Variants in IQCH observed in about 807,000 individuals in gnomAD.
IQCH encodes IQ motif containing H.
A neutral mutation model predicts 117.0 loss-of-function variants in IQCH; 98 were observed. That is an observed-to-expected ratio of 0.84 (90% CI 0.71 to 0.99). The LOEUF (loss-of-function observed/expected upper bound fraction) is 0.99, where lower values mean the gene tolerates loss of function less well. IQCH is among the 50% of genes least tolerant of loss of function. The pLI, the probability that IQCH is intolerant of heterozygous loss-of-function variation, is 0.00. For synonymous variants in IQCH, 412 were observed against 448.2 expected (o/e 0.92, Z 1.02); for missense variants, 1,102 against 1,243.8 (o/e 0.89, Z 1.72).
intron 4 of IQCH, among the ~76,000 whole-genome samples, chr15:67,317,644 T>C (rs954278593): frequency 2.6e-5 from 4 of 152,224 alleles, no homozygotes; most frequent in Non-Finnish European, 5.9e-5. Flanking sequence ...TATCTTTTCC[T>C]CTTGTTAGAT....
intron 4 of IQCH, among the ~76,000 whole-genome samples, chr15:67,302,065 C>G (rs1051687347): frequency 6.6e-6 from 1 of 152,150 alleles, no homozygotes; most frequent in Non-Finnish European, 1.5e-5. Flanking sequence ...CCTCCCTACA[C>G]CAGACCTATA....
At position 67,386,879 on chromosome 15, in the gene IQCH, T is replaced by C. The variant is rs1393431987; in HGVS notation, c.1456+1860T>C. Among the ~76,000 whole-genome samples, 13 of 152,200 alleles carry C rather than the reference T, an allele frequency of 8.5e-5. No homozygotes were observed. The highest frequency in any genetic ancestry group is 2.9e-5 in the Non-Finnish European group (2 of 68,040). ...CACTAATACTGAATCTTAGAGTTAGTGATACGTATTCCTTTGCCAGAAATT... is the reference window on the plus strand; with the variant it reads ...CACTAATACTGAATCTTAGAGTTAGCGATACGTATTCCTTTGCCAGAAATT... On this transcript the variant is annotated intron_variant, in intron 11 of 20. Transcript: ENST00000335894. The surrounding 1 kb of genome is among the most constrained non-coding windows in gnomAD (Gnocchi z 5.0).
intron 6 of IQCH, among the ~76,000 whole-genome samples, chr15:67,346,662 T>C (rs1409666642): frequency 6.6e-6 from 1 of 152,134 alleles, no homozygotes; most frequent in Non-Finnish European, 1.5e-5. Flanking sequence ...GGCTTGTGGG[T>C]TAGGGACCCC....
intron 10 of IQCH, among the ~76,000 whole-genome samples, chr15:67,375,435 AAAAT>A (rs1422757700): frequency 1.3e-5 from 2 of 152,154 alleles, no homozygotes; most frequent in African/African-American, 4.8e-5. Flanking sequence ...AAAAATTAAT[AAAAT>A]AAAATAAATT....
intron 16 of IQCH, among the ~76,000 whole-genome samples, chr15:67,439,642 T>C (rs974308372): frequency 1.3e-5 from 2 of 151,902 alleles, no homozygotes; most frequent in East Asian, 1.9e-4. Flanking sequence ...TCCCAGCACT[T>C]TGGAAGGCCG....
intron 7 of IQCH, among the ~76,000 whole-genome samples, chr15:67,358,198 C>CTTTTTTTTTTTTTTT (rs1190464651): frequency 1.8e-4 from 1 of 5,454 alleles, no homozygotes; most frequent in African/African-American, 5.7e-4. Context: ...TCATGAGGCA[C>CTTTTTTTTTTTTTTT]TTTCTTTTCT....
rs765826229 is a variant in IQCH, at chr15:67,353,247, GA to G, written c.638-4090del. ...CAGAAAAAGAAAAGCAGTAAACTGG[GA>G]AAAAAAATGAAAGGAAATAATGAAA... On this transcript the variant is annotated intron_variant, in intron 6 of 20. Coordinates refer to ENST00000335894, the MANE Select transcript of IQCH (RefSeq NM_001031715.3). 1.4e-4 allele frequency among the ~76,000 whole-genome samples: 21 copies of G among 149,970 alleles called. 2 individuals carry two copies. Among genetic ancestry groups the G allele is most frequent in the East Asian group, 5.9e-4 (3 of 5,126 alleles).
chr15:67,263,040 C>A (rs1187056505), intron 2 of IQCH, 82 bp from the exon 3 acceptor site: 1 of 772,900 alleles, frequency 1.3e-6, no homozygotes, highest in Non-Finnish European at 2.3e-6. Flanking sequence ...TTACAGGATT[C>A]AGAGTATTAA....
At chr15:67,428,147 G>C (rs1040877620) in intron 16 of IQCH, among the ~76,000 whole-genome samples, 3 of 152,062 alleles carry the variant, frequency 2.0e-5, no homozygotes, top group Non-Finnish European at 4.4e-5. Flanking sequence ...AGAATATTTA[G>C]AGCAAATTAT....
rs1970053128 is a variant in IQCH, at chr15:67,359,744, G to C, written c.715-103G>C. 1 of 989,154 alleles carries C rather than the reference G, an allele frequency of 1.0e-6. No individual in the cohort carries two copies. 61.3% of individuals were successfully genotyped at this position (989,154 alleles called of 1,614,324 possible). ...AAAGAGAGAACAGGCTGGCCCAGCG[G>C]GTAAAATGGGGAAGGGGGTGAGGCT... On this transcript the variant is annotated intron_variant, in intron 7 of 20. Transcript: ENST00000335894. This position sits in a 1 kb window ranked among gnomAD's most constrained non-coding sequence, Gnocchi z 4.5.
At position 67,385,587 on chromosome 15, in the gene IQCH, T is replaced by A. The variant is rs946282328; in HGVS notation, c.1456+568T>A. ...TGTATACATCTTTGTAAAAGTCAGG[T>A]TCTGATACTGGTTTGGTCAGTTCTT... On this transcript the variant is annotated intron_variant, in intron 11 of 20. Coordinates refer to ENST00000335894, the MANE Select transcript of IQCH (RefSeq NM_001031715.3). The surrounding 1 kb of genome is among the most constrained non-coding windows in gnomAD (Gnocchi z 4.6). Among the ~76,000 whole-genome samples, 11 of 152,200 alleles carry A rather than the reference T, an allele frequency of 7.2e-5. No individual in the cohort carries two copies. The highest frequency in any genetic ancestry group is 3.9e-4 in the Admixed American group (6 of 15,274).
At chr15:67,440,038 T>TA (rs1458393234) in intron 16 of IQCH, among the ~76,000 whole-genome samples, 2 of 151,562 alleles carry the variant, frequency 1.3e-5, no homozygotes, top group Non-Finnish European at 2.9e-5. Flanking sequence ...ACAGGAGATA[T>TA]TACAACTGAC....
At chr15:67,304,090 A>C (rs1337538171) in intron 4 of IQCH, among the ~76,000 whole-genome samples, 3 of 152,174 alleles carry the variant, frequency 2.0e-5, no homozygotes, top group African/African-American at 7.2e-5. Flanking sequence ...TATTTTTAAG[A>C]AAATGTGTCT....
chr15:67,391,739 A>G lies in IQCH; in HGVS notation c.1632+2733A>G, dbSNP rs143776721. 4.8e-4 allele frequency among the ~76,000 whole-genome samples: 73 copies of G among 152,328 alleles called. 2 individuals are homozygous for G. The East Asian group carries it at 6.0e-3, about 12-fold the overall frequency. ...ATACAAGACCTGTGATTAGTGATAC[A>G]TCCTTTGCCATCACTTATTCACATT... On this transcript the variant is annotated intron_variant, in intron 12 of 20. Transcript: ENST00000335894. The surrounding 1 kb of genome is among the most constrained non-coding windows in gnomAD (Gnocchi z 4.3).
Position 67,388,420 on chromosome 15 carries a change from A to G in IQCH, c.1457-411A>G, listed in dbSNP as rs1971175378. Reference sequence around the variant, plus strand: ...AGTCCATACAGAATAAGAAATTGCAATTTCATCAGCTTTGTAAAGTTAGTA... The same window carrying G: ...AGTCCATACAGAATAAGAAATTGCAGTTTCATCAGCTTTGTAAAGTTAGTA... On this transcript the variant is annotated intron_variant, in intron 11 of 20. Transcript: ENST00000335894. The surrounding 1 kb of genome is among the most constrained non-coding windows in gnomAD (Gnocchi z 5.5). Among the ~76,000 whole-genome samples the G allele has an allele frequency of 1.3e-5, 2 of 151,662 alleles. No homozygotes were observed. Among genetic ancestry groups the G allele is most frequent in the Non-Finnish European group, 2.9e-5 (2 of 67,858 alleles).
In IQCH at chr15:67,400,342, G is replaced by A. The variant is rs1264760625; in HGVS notation, c.2097+37G>A. 10 of 1,526,584 alleles carry A rather than the reference G, an allele frequency of 6.6e-6. No individual in the cohort carries two copies. The Admixed American group carries it at 1.3e-4, about 21-fold the overall frequency. 94.6% of individuals were successfully genotyped at this position (1,526,584 alleles called of 1,614,324 possible). On this transcript the variant is annotated intron_variant, in intron 14 of 20. Coordinates refer to ENST00000335894, the MANE Select transcript of IQCH (RefSeq NM_001031715.3). The stretch of plus-strand genomic sequence containing the variant: ...ATGGTGACTTAAACCCGCAGGGTCT[G>A]TGAACAGTTAGGGGACGAAGCAAAA...
chr15:67,495,424 AGCTCCTGAGCTCAAGGGATCTT>A, intron 20 of IQCH, among the ~76,000 whole-genome samples: 2 of 152,354 alleles, frequency 1.3e-5, no homozygotes, highest in East Asian at 3.9e-4. Flanking sequence ...GCTGGTCTCA[AGCTCCTGAGCTCAAGGGATCTT>A]GTCTTGGCCT....
At chr15:67,279,536 G>A (rs1966264821) in intron 4 of IQCH, 24 bp downstream of exon 4, 1 of 1,385,886 alleles carries the variant, frequency 7.2e-7, no homozygotes, top group Non-Finnish European at 1.0e-6. Flanking sequence ...AATTCATAGA[G>A]ACAGAAAGTA....
intron 6 of IQCH, among the ~76,000 whole-genome samples, chr15:67,354,641 G>A (rs796535663): frequency 1.4e-4 from 21 of 152,264 alleles, no homozygotes; most frequent in African/African-American, 5.1e-4. Flanking sequence ...GAAGAGGGAA[G>A]GAGGGAGAGA....
Sources: allele counts gnomAD v4.1 joint callset (sites outside exome capture counted in the v4.1 genomes callset), GRCh38; gene constraint gnomAD v4.1.1; non-coding constraint Gnocchi (gnomAD v3.1); transcripts MANE v1.5; gene names NCBI Gene and HGNC (gene_info 2026-07-23, HGNC 2026-07-21).